GRM7: variants seen among roughly 807,000 people sequenced by gnomAD.
GRM7 encodes the protein glutamate metabotropic receptor 7, also known as metabotropic glutamate receptor 7.
Under a neutral mutation model 84.5 loss-of-function variants are expected in GRM7, and 35 were observed. That is an observed-to-expected ratio of 0.41 (90% confidence interval 0.32 to 0.55). GRM7 has a LOEUF of 0.55. Among genes scored for constraint, GRM7 ranks in the 20% least tolerant of loss-of-function variants. The probability of loss-of-function intolerance (pLI) is 0.19; values close to 1 mark genes in which losing one functional copy is unlikely to be tolerated. For synonymous variants in GRM7, 487 were observed against 455.1 expected (o/e 1.07, Z -0.89); for missense variants, 1,003 against 1,194.6 (o/e 0.84, Z 2.36).
intron 9 of GRM7, among the ~76,000 whole-genome samples, chr3:7,739,873 A>C (rs1185673065): frequency 2.6e-5 from 4 of 152,200 alleles, no homozygotes; most frequent in African/African-American, 9.7e-5. Flanking sequence ...TATACAAGTC[A>C]ATCTGTAGTC....
At chr3:7,362,485 A>G (rs1221564921) in intron 4 of GRM7, among the ~76,000 whole-genome samples, 1 of 151,404 alleles carries the variant, frequency 6.6e-6, no homozygotes, top group Non-Finnish European at 1.5e-5. Context: ...GATACATTAG[A>G]AAAATCTTTT....
intron 1 of GRM7, among the ~76,000 whole-genome samples, chr3:7,018,776 T>C (rs533185205): frequency 9.4e-4 from 143 of 152,346 alleles, no homozygotes; most frequent in Non-Finnish European, 8.5e-4. Flanking sequence ...GCCAATTCTC[T>C]AGGAAGTTAA....
At chr3:7,144,467 T>G (rs1694046186) in intron 1 of GRM7, among the ~76,000 whole-genome samples, 1 of 152,116 alleles carries the variant, frequency 6.6e-6, no homozygotes, top group African/African-American at 2.4e-5. Flanking sequence ...GTAAAAACAT[T>G]TTATTGCCAT....
chr3:6,982,286 G>C (rs1294613763), intron 1 of GRM7, among the ~76,000 whole-genome samples: 1 of 152,118 alleles, frequency 6.6e-6, no homozygotes, highest in African/African-American at 2.4e-5. Flanking sequence ...TAGACACTGA[G>C]GACTACAAGA....
chr3:7,130,573 G>T (rs867658608), intron 1 of GRM7, among the ~76,000 whole-genome samples: 6 of 146,782 alleles, frequency 4.1e-5, no homozygotes, highest in Admixed American at 6.7e-5. Context: ...AAAAAAAAAG[G>T]ATTAATGGCC....
At chr3:7,057,207 G>A (rs1499143) in intron 1 of GRM7, among the ~76,000 whole-genome samples, 3,693 of 151,970 alleles carry the variant, frequency 0.024, 106 homozygotes, top group African/African-American at 0.071. Context: ...GCTTGTTTCT[G>A]TGCAAATAAA....
chr3:7,387,923 A>G (rs1273549245), intron 4 of GRM7, among the ~76,000 whole-genome samples: 3 of 152,172 alleles, frequency 2.0e-5, no homozygotes, highest in Admixed American at 2.0e-4. Flanking sequence ...ACCTATGAGC[A>G]TGGAATGATT....
At chr3:7,298,473 A>G in intron 2 of GRM7, 3 of 512,186 alleles carry the variant, frequency 5.9e-6, no homozygotes, top group South Asian at 3.0e-5. Context: ...TGTACTATAA[A>G]GAGGATGTCG....
At position 7,540,191 on chromosome 3, in the gene GRM7, A is replaced by C. The variant is rs1159825770; in HGVS notation, c.1516-38231A>C. 5.3e-5 allele frequency among the ~76,000 whole-genome samples: 8 copies of C among 152,308 alleles called. 1 individual carries two copies. In the South Asian group the frequency reaches 1.7e-3, roughly 32 times the overall value. ...TTTTATATTTTTTCAAAATGTTAAAAATGGGATAACCAGATGACCCAGCAA... is the reference window on the plus strand; with the variant it reads ...TTTTATATTTTTTCAAAATGTTAAACATGGGATAACCAGATGACCCAGCAA... On this transcript the variant is annotated intron_variant, in intron 7 of 9. Coordinates refer to ENST00000357716, the MANE Select transcript of GRM7 (RefSeq NM_000844.4).
intron 7 of GRM7, among the ~76,000 whole-genome samples, chr3:7,551,316 C>T (rs1176511788): frequency 5.3e-5 from 8 of 152,132 alleles, no homozygotes; most frequent in Non-Finnish European, 1.0e-4. Context: ...GGGTTTTTCA[C>T]GTGTAAAACA....
intron 8 of GRM7, among the ~76,000 whole-genome samples, chr3:7,666,741 T>C (rs1699716641): frequency 6.6e-6 from 1 of 152,140 alleles, no homozygotes; most frequent in Non-Finnish European, 1.5e-5. Context: ...ACCGGTATTA[T>C]TAATTTTATT....
intron 7 of GRM7, among the ~76,000 whole-genome samples, chr3:7,572,024 A>T (rs1457361836): frequency 6.6e-6 from 1 of 151,870 alleles, no homozygotes; most frequent in Non-Finnish European, 1.5e-5. Context: ...AGGAAAGCCC[A>T]CCCCCCATAA....
At chr3:7,342,247 C>T (rs1028988730) in intron 4 of GRM7, among the ~76,000 whole-genome samples, 3 of 152,130 alleles carry the variant, frequency 2.0e-5, no homozygotes, top group Non-Finnish European at 2.9e-5. Flanking sequence ...GACTTTTATT[C>T]AGTCTGGCTT....
intron 2 of GRM7, among the ~76,000 whole-genome samples, chr3:7,286,157 A>T (rs1699423948): frequency 6.6e-6 from 1 of 152,224 alleles, no homozygotes; most frequent in Non-Finnish European, 1.5e-5. Context: ...CAAAACTCAT[A>T]ATCATAAAGG....
chr3:7,719,497 C>G (rs1701869405), intron 9 of GRM7, among the ~76,000 whole-genome samples: 1 of 152,086 alleles, frequency 6.6e-6, no homozygotes, highest in Admixed American at 6.6e-5. Context: ...AATCCCATGT[C>G]TTGCATCAAT....
chr3:7,514,389 G>C (rs1295247995), intron 7 of GRM7, among the ~76,000 whole-genome samples: 1 of 152,162 alleles, frequency 6.6e-6, no homozygotes, highest in East Asian at 1.9e-4. Context: ...CTCTGGGATA[G>C]AATCTCAAAA....
intron 9 of GRM7, chr3:7,681,776 C>T (rs958551289): frequency 6.6e-6 from 1 of 152,158 alleles, no homozygotes; most frequent in Non-Finnish European, 1.5e-5. Context: ...ATTTACCAGC[C>T]ATGTGGCATT....
chr3:6,876,323 GC>G (rs1052920221), intron 1 of GRM7, among the ~76,000 whole-genome samples: 9 of 152,016 alleles, frequency 5.9e-5, no homozygotes, highest in African/African-American at 2.2e-4. Context: ...AGGAGTCAGG[GC>G]CTTGGGCTTT....
At chr3:7,222,695 T>G (rs1161013369) in intron 2 of GRM7, among the ~76,000 whole-genome samples, 3 of 152,192 alleles carry the variant, frequency 2.0e-5, no homozygotes, top group African/African-American at 7.2e-5. Flanking sequence ...AAATTTGTGA[T>G]GGTTTGTGGC....
Sources: gnomAD v4.1 joint callset for allele counts (sites outside exome capture counted in the v4.1 genomes callset) on GRCh38, gnomAD v4.1.1 for gene constraint, MANE v1.5 for transcripts, NCBI Gene and HGNC (gene_info 2026-07-23, HGNC 2026-07-21) for gene names.